ERLIN2: variants seen among roughly 807,000 people sequenced by gnomAD.
The protein encoded by ERLIN2 is erlin-2.
Under a neutral mutation model 41.5 loss-of-function variants are expected in ERLIN2, and 22 were observed. That is an observed-to-expected ratio of 0.53 (90% CI 0.38 to 0.76). The LOEUF is 0.76. Among genes scored for constraint, ERLIN2 ranks in the 30% least tolerant of loss-of-function variants. ERLIN2 has a pLI of 0.00. For synonymous variants in ERLIN2, 149 were observed against 150.9 expected, an observed-to-expected ratio of 0.99 and a Z score of 0.09; for missense variants, 247 against 414.3, an observed-to-expected ratio of 0.60 and a Z score of 3.51.
intron 6 of ERLIN2, chr8:37,745,376 T>G (rs897778937): frequency 1.6e-6 from 1 of 616,534 alleles, no homozygotes; most frequent in Non-Finnish European, 2.9e-6. Context: ...TAAGTAGATA[T>G]GTTTTGTCCT....
Position 37,750,393 on chromosome 8 carries a change from A to C in ERLIN2, c.558-2A>C. 1 of 1,611,856 alleles carries C rather than the reference A, an allele frequency of 6.2e-7. No homozygotes were observed. The highest frequency in any genetic ancestry group is 8.5e-7 in the Non-Finnish European group (1 of 1,178,568). Reference sequence around the variant, plus strand: ...TGCCTCACGGCTTTTTCTTCTCTTCAGGGAAAGTGAGAAGACAAAGCTTCT... The same window carrying C: ...TGCCTCACGGCTTTTTCTTCTCTTCCGGGAAAGTGAGAAGACAAAGCTTCT... On this transcript the variant is annotated splice_acceptor_variant, in intron 8 of 11. Coordinates refer to ENST00000519638, the MANE Select transcript of ERLIN2 (RefSeq NM_007175.8). LOFTEE classifies it high-confidence loss of function.
chr8:37,749,879 G>A (rs765767553), intron 8 of ERLIN2, 27 bp downstream of exon 8: 5 of 1,601,864 alleles, frequency 3.1e-6, no homozygotes, highest in Non-Finnish European at 4.3e-6. Flanking sequence ...CCTGGGCTGT[G>A]ACCACCACTG....
chr8:37,740,402 T>G lies in ERLIN2; in HGVS notation c.145T>G (p.Phe49Val). The G allele has an allele frequency of 6.2e-7, 1 of 1,613,124 alleles. No individual in the cohort carries two copies. Among genetic ancestry groups the G allele is most frequent in the Non-Finnish European group, 8.5e-7 (1 of 1,179,442 alleles). ...ALLTSTSGPG[F>V]HLMLPFITSY... ...GCTGACTTCGACCAGCGGCCCTGGT[T>G]TCCATCTCATGCTCCCTTTCATCAC... is the stretch of plus-strand genomic sequence containing the variant. The change falls in exon 3 of 12, where the codon TTC becomes GTC. Residue 49 changes from phenylalanine (F) to valine (V), a missense_variant. Phe to Val is a conservative substitution (Grantham distance 50, BLOSUM62 -1). Around this residue, in one of 3 missense-constraint regions of ERLIN2, gnomAD observed 93 missense variants for 139.0 expected, o/e 0.67. Transcript: ENST00000519638.
rs1183983926 is a variant in ERLIN2, at chr8:37,755,343, C to G, written c.*1228C>G. 6.6e-6 allele frequency: 1 copy of G among 152,220 alleles called. No individual in the cohort carries two copies. The highest frequency in any genetic ancestry group is 1.5e-5 in the Non-Finnish European group (1 of 68,056). The allele number at this position is 152,220 out of a possible 1,614,324, so 9.4% of individuals were successfully genotyped here. A position where few individuals can be genotyped will look rare whatever the true frequency, so the allele number is the denominator to read the frequency against. The stretch of plus-strand genomic sequence containing the variant: ...ACTAGGTCAGAACATTTTGAGTCAC[C>G]TTGGGAGATTCAGGATGGGGAGAGC... On this transcript the variant is annotated 3_prime_UTR_variant, in exon 12 of 12. Coordinates refer to ENST00000519638, the MANE Select transcript of ERLIN2 (RefSeq NM_007175.8).
At chr8:37,747,818 TG>T (rs1296186627) in intron 6 of ERLIN2, 4 of 1,614,096 alleles carry the variant, frequency 2.5e-6, no homozygotes, top group Non-Finnish European at 3.4e-6. Flanking sequence ...TGGGCATGTT[TG>T]GCAGCATCAA....
chr8:37,742,051 A>G (rs1802868437), intron 4 of ERLIN2, among the ~76,000 whole-genome samples: 1 of 152,140 alleles, frequency 6.6e-6, no homozygotes, highest in Admixed American at 6.5e-5. Context: ...ACTCTATTAG[A>G]AGTGAGGATC....
chr8:37,740,241 G>T (rs1384147169), intron 2 of ERLIN2, 124 bp from the exon 3 acceptor site: 1 of 737,912 alleles, frequency 1.4e-6, no homozygotes. Flanking sequence ...AGCCATGGCT[G>T]CAGCACATGT....
chr8:37,742,171 G>A (rs1047815480), intron 4 of ERLIN2, among the ~76,000 whole-genome samples: 14 of 151,820 alleles, frequency 9.2e-5, no homozygotes, highest in Non-Finnish European at 1.6e-4. Flanking sequence ...GTGAAACCCC[G>A]TCTCTACTAA....
rs202062358 is a variant in ERLIN2 at position 37,750,399 on chromosome 8, A to G, written c.562A>G (p.Ser188Gly). 3 of 1,612,828 alleles carry G rather than the reference A, an allele frequency of 1.9e-6. No homozygotes were observed. Among genetic ancestry groups the G allele is most frequent in the Non-Finnish European group, 2.5e-6 (3 of 1,179,276 alleles). Residue 188 changes from serine to glycine, a missense_variant, in exon 9 of 12, where the codon AGT becomes GGT. By Grantham distance (56) the Ser-to-Gly change is moderately conservative. Coordinates refer to ENST00000519638, the MANE Select transcript of ERLIN2 (RefSeq NM_007175.8). ...AIRRNYELME[S>G]EKTKLLIAAQ... is the part of the protein sequence containing the mutation. ...ACGGCTTTTTCTTCTCTTCAGGGAAAGTGAGAAGACAAAGCTTCTCATTGC... is the reference window on the plus strand; with the variant it reads ...ACGGCTTTTTCTTCTCTTCAGGGAAGGTGAGAAGACAAAGCTTCTCATTGC...
chr8:37,746,549 G>T, intron 6 of ERLIN2: 1 of 963,450 alleles, frequency 1.0e-6, no homozygotes, highest in Non-Finnish European at 1.2e-6. Context: ...ATACACAACA[G>T]ATCATTTTGT....
chr8:37,754,379 T>C lies in ERLIN2; in HGVS notation c.*264T>C. The C allele has an allele frequency of 2.2e-6, 1 of 460,910 alleles. No individual in the cohort carries two copies. Among genetic ancestry groups the C allele is most frequent in the Non-Finnish European group, 4.0e-6 (1 of 250,614 alleles). The allele number at this position is 460,910 out of a possible 1,614,324, so 28.6% of individuals were successfully genotyped here. A position where few individuals can be genotyped will look rare whatever the true frequency, so the allele number is the denominator to read the frequency against. ...GGCTTGACCTTTGACCTCTAGACAC[T>C]AATTTTATCCTTTGAGGCTGGCTTA... On this transcript the variant is annotated 3_prime_UTR_variant, in exon 12 of 12. Coordinates refer to ENST00000519638, the MANE Select transcript of ERLIN2 (RefSeq NM_007175.8).
chr8:37,750,198 CA>C (rs1803186371), intron 8 of ERLIN2, 196 bp from the exon 9 acceptor site: 2 of 635,390 alleles, frequency 3.1e-6, no homozygotes, highest in East Asian at 2.7e-5. Flanking sequence ...TTATTTCCCA[CA>C]AATGAGTTAC....
Position 37,749,633 on chromosome 8 carries a change from G to A in ERLIN2, c.498+1G>A. On this transcript the variant is annotated splice_donor_variant, in intron 7 of 11. Coordinates refer to ENST00000519638, the MANE Select transcript of ERLIN2 (RefSeq NM_007175.8). LOFTEE classifies it high-confidence loss of function. ...CATGGCCCCTGGGCTGGTCATTCAAGTAAGCATTGCTGCATGGGAGCAGCC... is the reference window on the plus strand; with the variant it reads ...CATGGCCCCTGGGCTGGTCATTCAAATAAGCATTGCTGCATGGGAGCAGCC... 6.2e-7 allele frequency: 1 copy of A among 1,611,888 alleles called. No homozygotes were observed. The highest frequency in any genetic ancestry group is 8.5e-7 in the Non-Finnish European group (1 of 1,177,908).
rs1803333832 is a variant in ERLIN2, at chr8:37,755,548, G to GCC, written c.*1433_*1434insCC. 1.9e-5 allele frequency: 1 copy of GCC among 52,338 alleles called. No individual in the cohort carries two copies. The highest frequency in any genetic ancestry group is 9.5e-5 in the African/African-American group (1 of 10,566). 3.2% of individuals were successfully genotyped at this position (52,338 alleles called of 1,614,324 possible). On this transcript the variant is annotated 3_prime_UTR_variant, in exon 12 of 12. Transcript: ENST00000519638. ...TTAGGACTTGGCCCTGTTATGAGCT[G>GCC]ACCCCCACCCCCCACCCCCCACCCC... is the stretch of plus-strand genomic sequence containing the variant.
chr8:37,737,691 C>T, intron 1 of ERLIN2: 1 of 549,862 alleles, frequency 1.8e-6, no homozygotes, highest in East Asian at 3.3e-5. Context: ...CCAGTGCTTC[C>T]TCAGTGCGGT....
At chr8:37,749,939 G>A (rs1015444626) in intron 8 of ERLIN2, 87 bp downstream of exon 8, 7 of 1,172,908 alleles carry the variant, frequency 6.0e-6, no homozygotes, top group Non-Finnish European at 9.0e-6. Context: ...AAGCTGCCAG[G>A]CTTCTCGGTT....
At position 37,751,611 on chromosome 8, in the gene ERLIN2, C is replaced by T; in HGVS notation, c.650-15C>T. The T allele has an allele frequency of 6.2e-7, 1 of 1,600,846 alleles. No individual in the cohort carries two copies. ...TGAAATGCCAGAACCGTAATCCTCA[C>T]TATCATTTATTCAGAGGCAGAAAAA... is the stretch of plus-strand genomic sequence containing the variant. On this transcript the variant is annotated splice_polypyrimidine_tract_variant and intron_variant, in intron 9 of 11. Coordinates refer to ENST00000519638, the MANE Select transcript of ERLIN2 (RefSeq NM_007175.8).
chr8:37,744,947 G>T, intron 6 of ERLIN2: 1 of 631,664 alleles, frequency 1.6e-6, no homozygotes, highest in Non-Finnish European at 2.8e-6. Flanking sequence ...TTCACTTCTG[G>T]CCTCAATCAG....
chr8:37,746,065 G>T lies in ERLIN2; in HGVS notation c.424+1369G>T, dbSNP rs1009251246. The T allele has an allele frequency of 5.0e-6, 5 of 996,198 alleles. No homozygotes were observed. The African/African-American group carries it at 7.0e-5, about 14-fold the overall frequency. 61.7% of individuals were successfully genotyped at this position (996,198 alleles called of 1,614,324 possible). On this transcript the variant is annotated intron_variant, in intron 6 of 11. Transcript: ENST00000519638. The stretch of plus-strand genomic sequence containing the variant: ...GTAGCTTAGTGAAGTACAGCTGCTT[G>T]TATGGAGGAGCTGGGGAAATATATT...
Sources: allele counts gnomAD v4.1 joint callset (sites outside exome capture counted in the v4.1 genomes callset), GRCh38; gene constraint gnomAD v4.1.1; regional missense constraint gnomAD v4.1.1; transcripts MANE v1.5; gene names NCBI Gene and HGNC (gene_info 2026-07-23, HGNC 2026-07-21).